The following NRIP1 variants were observed in gnomAD, a reference collection of about 807,000 sequenced individuals.
NRIP1 encodes the protein nuclear receptor-interacting protein 1.
Under a neutral mutation model 75.0 loss-of-function variants are expected in NRIP1, and 28 were observed. That is an observed-to-expected ratio of 0.37 (90% CI 0.28 to 0.51). The LOEUF (loss-of-function observed/expected upper bound fraction) is 0.51, where lower values mean the gene tolerates loss of function less well. NRIP1 is among the 20% of genes least tolerant of loss of function. The probability of loss-of-function intolerance (pLI) is 0.92; values close to 1 mark genes in which losing one functional copy is unlikely to be tolerated. For missense variants in NRIP1, 1,435 were observed against 1,343.7 expected, an observed-to-expected ratio of 1.07 and a Z score of -1.06; for synonymous variants, 526 against 487.6, an observed-to-expected ratio of 1.08 and a Z score of -1.04.
chr21:15,007,749 C>T (rs893388411), intron 3 of NRIP1, among the ~76,000 whole-genome samples: 2 of 152,098 alleles, frequency 1.3e-5, no homozygotes, highest in African/African-American at 2.4e-5. Context: ...TTCTATCCAA[C>T]GCTAATGAGA....
intron 3 of NRIP1, among the ~76,000 whole-genome samples, chr21:14,977,705 A>G (rs535605847): frequency 1.3e-5 from 2 of 152,316 alleles, no homozygotes; most frequent in Admixed American, 1.3e-4. Flanking sequence ...TATATTTCTA[A>G]TTACTTGAAA....
At chr21:15,030,030 CT>C (rs2088608485) in intron 2 of NRIP1, among the ~76,000 whole-genome samples, 1 of 152,150 alleles carries the variant, frequency 6.6e-6, no homozygotes, top group Admixed American at 6.5e-5. Context: ...AGTAAAGCCA[CT>C]TGTGACAAAT....
At chr21:15,023,841 G>A (rs2147221177) in intron 2 of NRIP1, among the ~76,000 whole-genome samples, 1 of 152,290 alleles carries the variant, frequency 6.6e-6, no homozygotes, top group East Asian at 1.9e-4. Flanking sequence ...TCCTGGAAAG[G>A]AGAAAAACAA....
rs567755252 is a variant in NRIP1 at position 15,015,491 on chromosome 21, A to G, written c.-457-1025T>C. 5.3e-5 allele frequency among the ~76,000 whole-genome samples: 8 copies of G among 152,344 alleles called. No individual in the cohort carries two copies. The East Asian group carries it at 1.2e-3, about 22-fold the overall frequency. ...TCTAAGATTTATCCTAATTAAAAAAATCATGGAGGATAGGTGTAAATATTT... is the reference window on the plus strand; with the variant it reads ...TCTAAGATTTATCCTAATTAAAAAAGTCATGGAGGATAGGTGTAAATATTT... On this transcript the variant is annotated intron_variant, in intron 2 of 3. Coordinates refer to ENST00000318948, the MANE Select transcript of NRIP1 (RefSeq NM_003489.4).
chr21:15,021,628 T>C (rs956656561), intron 2 of NRIP1, among the ~76,000 whole-genome samples: 6 of 152,174 alleles, frequency 3.9e-5, no homozygotes, highest in African/African-American at 1.4e-4. Context: ...AAATCATAAA[T>C]TTATTTAAAA....
At chr21:15,004,118 T>C (rs1568973077) in intron 3 of NRIP1, among the ~76,000 whole-genome samples, 1 of 152,116 alleles carries the variant, frequency 6.6e-6, no homozygotes, top group Non-Finnish European at 1.5e-5. Context: ...AGGAGAAAAA[T>C]CCTTCAGAAT....
chr21:15,020,905 A>G (rs1157032694), intron 2 of NRIP1, among the ~76,000 whole-genome samples: 1 of 152,078 alleles, frequency 6.6e-6, no homozygotes, highest in Non-Finnish European at 1.5e-5. Flanking sequence ...GAAAAAACTC[A>G]AAGGTTGGGG....
chr21:14,986,510 A>C (rs2087408730), intron 3 of NRIP1, among the ~76,000 whole-genome samples: 1 of 152,222 alleles, frequency 6.6e-6, no homozygotes, highest in South Asian at 2.1e-4. Context: ...GCCTTATGGC[A>C]TAATATTAAA....
In NRIP1 at chr21:14,978,680, G is replaced by A. The variant is rs77334617; in HGVS notation, c.-334-10154C>T. On this transcript the variant is annotated intron_variant, in intron 3 of 3. Transcript: ENST00000318948. Reference sequence around the variant, plus strand: ...ATAATTGATACGGCAAAATAAAGAAGGGCTTCTTTGTTTTGAATTCTCCTC... The same window carrying A: ...ATAATTGATACGGCAAAATAAAGAAAGGCTTCTTTGTTTTGAATTCTCCTC... 0.016 allele frequency among the ~76,000 whole-genome samples: 2,421 copies of A among 152,118 alleles called. 240 individuals carry two copies. In the East Asian group the frequency reaches 0.28, roughly 17 times the overall value.
In NRIP1 at chr21:14,988,495, A is replaced by ATGTGTG. The variant is rs1220704059; in HGVS notation, c.-334-19970_-334-19969insCACACA. Among the ~76,000 whole-genome samples the ATGTGTG allele has an allele frequency of 1.8e-3, 209 of 115,022 alleles. 1 individual carries two copies. Among genetic ancestry groups the ATGTGTG allele is most frequent in the African/African-American group, 5.9e-3 (191 of 32,186 alleles). The allele number at this position is 115,022 out of a possible 152,430, so 75.5% of individuals were successfully genotyped here. On this transcript the variant is annotated intron_variant, in intron 3 of 3. Coordinates refer to ENST00000318948, the MANE Select transcript of NRIP1 (RefSeq NM_003489.4). ...TAGATAATATAGATAGATAGTATAT[A>ATGTGTG]TATATGTGTGTGTGTGTGTGTGTAT...
chr21:14,978,054 A>C (rs2087124212), intron 3 of NRIP1, among the ~76,000 whole-genome samples: 1 of 152,150 alleles, frequency 6.6e-6, no homozygotes, highest in Admixed American at 6.5e-5. Flanking sequence ...CCAAGGCCAA[A>C]TTTGCTCCTA....
chr21:15,046,346 CTT>C (rs1207583072), intron 1 of NRIP1, among the ~76,000 whole-genome samples: 1 of 152,218 alleles, frequency 6.6e-6, no homozygotes, highest in African/African-American at 2.4e-5. Context: ...CATCAGAGCT[CTT>C]GAGTGACCAG....
chr21:15,016,027 A>T (rs1000567152), intron 2 of NRIP1, among the ~76,000 whole-genome samples: 1 of 152,214 alleles, frequency 6.6e-6, no homozygotes, highest in Non-Finnish European at 1.5e-5. Flanking sequence ...AGCTGTGGGA[A>T]AGAGACAGGT....
chr21:15,031,548 T>A (rs1459116882), intron 2 of NRIP1, among the ~76,000 whole-genome samples: 50 of 120,934 alleles, frequency 4.1e-4, no homozygotes, highest in African/African-American at 1.2e-3. Context: ...CGGTTGGAGG[T>A]TCACCACATT....
chr21:14,994,974 C>T (rs923746554), intron 3 of NRIP1, among the ~76,000 whole-genome samples: 2 of 152,140 alleles, frequency 1.3e-5, no homozygotes, highest in Non-Finnish European at 2.9e-5. Context: ...ATCAGTACTA[C>T]AAAATAAATC....
intron 3 of NRIP1, among the ~76,000 whole-genome samples, chr21:14,999,689 C>G (rs1468677671): frequency 6.6e-6 from 1 of 152,122 alleles, no homozygotes; most frequent in African/African-American, 2.4e-5. Context: ...TATAATAATT[C>G]CTAAGGTTCC....
chr21:14,966,058 A>G lies in NRIP1; in HGVS notation c.2135T>C (p.Val712Ala). ...EIENLLERRT[V>A]LQLLLGNPNK... The stretch of plus-strand genomic sequence containing the variant: ...GGGGTTCCCCAGGAGCAACTGGAGG[A>G]CAGTACGTCTTTCAAGCAGATTTTC... Residue 712 changes from valine (V) to alanine (A), a missense_variant, in exon 4 of 4, where the codon GTC (valine) becomes GCC (alanine). Transcript: ENST00000318948. 6.2e-7 allele frequency: 1 copy of G among 1,612,750 alleles called. No homozygotes were observed. The highest frequency in any genetic ancestry group is 8.5e-7 in the Non-Finnish European group (1 of 1,179,924).
At chr21:14,982,719 G>GT (rs10537533) in intron 3 of NRIP1, among the ~76,000 whole-genome samples, 40 of 130,020 alleles carry the variant, frequency 3.1e-4, no homozygotes, top group South Asian at 9.2e-4. Context: ...TTTTTTTTTT[G>GT]TTTTTTTTTT....
At chr21:14,994,210 C>T (rs748578197) in intron 3 of NRIP1, among the ~76,000 whole-genome samples, 16 of 152,066 alleles carry the variant, frequency 1.1e-4, no homozygotes, top group Non-Finnish European at 5.9e-5. Context: ...CTGCAACCTC[C>T]GCCTCCCGAG....
Sources: gnomAD v4.1 joint callset for allele counts (sites outside exome capture counted in the v4.1 genomes callset) on GRCh38, gnomAD v4.1.1 for gene constraint, MANE v1.5 for transcripts, NCBI Gene and HGNC (gene_info 2026-07-23, HGNC 2026-07-21) for gene names.